STAC: variants seen among roughly 807,000 people sequenced by gnomAD.
The protein encoded by STAC is SH3 and cysteine-rich domain-containing protein.
A neutral mutation model predicts 48.8 loss-of-function variants in STAC; 43 were observed. That is an observed-to-expected ratio of 0.88 (90% CI 0.69 to 1.14). The LOEUF (loss-of-function observed/expected upper bound fraction) is 1.14, where lower values mean the gene tolerates loss of function less well. Among genes scored for constraint, STAC ranks in the 50% most tolerant of loss-of-function variants. STAC has a pLI of 0.00. For missense variants in STAC, 497 were observed against 504.0 expected (o/e 0.99, Z 0.13); for synonymous variants, 193 against 179.5 (o/e 1.07, Z -0.60).
At chr3:36,420,428 G>C (rs1006320169) in intron 1 of STAC, among the ~76,000 whole-genome samples, 2 of 152,112 alleles carry the variant, frequency 1.3e-5, no homozygotes, top group African/African-American at 4.8e-5. Flanking sequence ...GACTAGTACC[G>C]GTCTGTAGCC....
chr3:36,495,632 C>T (rs1698132887), intron 6 of STAC, among the ~76,000 whole-genome samples: 1 of 152,238 alleles, frequency 6.6e-6, no homozygotes, highest in African/African-American at 2.4e-5. Context: ...TGCTGTTGCT[C>T]ACCAATTCCT....
chr3:36,476,570 G>A (rs1359459657), intron 2 of STAC, among the ~76,000 whole-genome samples: 1 of 152,194 alleles, frequency 6.6e-6, no homozygotes, highest in Admixed American at 6.5e-5. Context: ...GCATGGTGGA[G>A]ACCTGCTTCA....
chr3:36,458,608 C>T (rs946781664), intron 2 of STAC, among the ~76,000 whole-genome samples: 3 of 152,160 alleles, frequency 2.0e-5, no homozygotes, highest in African/African-American at 7.2e-5. Flanking sequence ...TACCAAATCA[C>T]TTTGCTTCTC....
intron 1 of STAC, among the ~76,000 whole-genome samples, chr3:36,389,797 C>T (rs1302845321): frequency 6.6e-6 from 1 of 152,136 alleles, no homozygotes; most frequent in Non-Finnish European, 1.5e-5. Flanking sequence ...CCCAGAGATT[C>T]ACTGTGCTTT....
chr3:36,451,995 C>G (rs1349271144), intron 2 of STAC, among the ~76,000 whole-genome samples: 1 of 152,180 alleles, frequency 6.6e-6, no homozygotes, highest in Non-Finnish European at 1.5e-5. Flanking sequence ...TGGCTTTACT[C>G]AGATCCACTC....
At chr3:36,415,390 G>A (rs148710495) in intron 1 of STAC, among the ~76,000 whole-genome samples, 3,571 of 152,212 alleles carry the variant, frequency 0.023, 57 homozygotes, top group Non-Finnish European at 0.026. Flanking sequence ...CCCCAGCCTC[G>A]TTGCCACCTT....
intron 2 of STAC, among the ~76,000 whole-genome samples, chr3:36,477,564 A>G (rs1254191841): frequency 6.6e-6 from 1 of 152,100 alleles, no homozygotes; most frequent in Admixed American, 6.6e-5. Flanking sequence ...TTTTCTTCCA[A>G]CATTTATGTA....
chr3:36,396,534 G>A (rs958069508), intron 1 of STAC, among the ~76,000 whole-genome samples: 1 of 152,070 alleles, frequency 6.6e-6, no homozygotes, highest in Non-Finnish European at 1.5e-5. Flanking sequence ...GTACAGGGAT[G>A]CTTCATTGGA....
chr3:36,398,044 C>T (rs1699889545), intron 1 of STAC, among the ~76,000 whole-genome samples: 1 of 152,060 alleles, frequency 6.6e-6, no homozygotes, highest in African/African-American at 2.4e-5. Flanking sequence ...TCTTTCCTGG[C>T]TCTCAATTGG....
intron 1 of STAC, among the ~76,000 whole-genome samples, chr3:36,396,564 TC>T (rs990855486): frequency 6.6e-5 from 10 of 152,146 alleles, no homozygotes; most frequent in African/African-American, 2.4e-4. Context: ...AAAGGAGTCA[TC>T]CGGGAGAATC....
At chr3:36,508,270 C>T (rs1698452955) in intron 8 of STAC, among the ~76,000 whole-genome samples, 1 of 152,142 alleles carries the variant, frequency 6.6e-6, no homozygotes, top group African/African-American at 2.4e-5. Flanking sequence ...TTTGATTGCA[C>T]TGTGGTCTGA....
At position 36,434,149 on chromosome 3, in the gene STAC, T is replaced by C. The variant is rs190946872; in HGVS notation, c.112-9215T>C. On this transcript the variant is annotated intron_variant, in intron 1 of 10. Coordinates refer to ENST00000273183, the MANE Select transcript of STAC (RefSeq NM_003149.3). ...GAAAGTGCTTTGACAAACTACACCA[T>C]CAGCCAAACTTGGAATAGATGAGGT... Among the ~76,000 whole-genome samples the C allele has an allele frequency of 6.6e-5, 10 of 152,326 alleles. No individual in the cohort carries two copies. The South Asian group carries it at 1.0e-3, about 16-fold the overall frequency.
intron 8 of STAC, among the ~76,000 whole-genome samples, chr3:36,515,904 G>A (rs185753517): frequency 1.3e-5 from 2 of 150,016 alleles, no homozygotes; most frequent in African/African-American, 4.9e-5. Context: ...GCAACTATCC[G>A]TTTAGGAACA....
rs181231860 is a variant in STAC at position 36,405,767 on chromosome 3, T to A, written c.111+25013T>A. 6.6e-5 allele frequency among the ~76,000 whole-genome samples: 10 copies of A among 152,282 alleles called. No homozygotes were observed. The East Asian group carries it at 1.9e-3, about 29-fold the overall frequency. On this transcript the variant is annotated intron_variant, in intron 1 of 10. Transcript: ENST00000273183. ...CAAGAGTTTTGCTCTGTCATCCAGG[T>A]TGGAGTGCAGTAACATGATTATAGC...
At chr3:36,481,557 T>C (rs1167388538) in intron 2 of STAC, among the ~76,000 whole-genome samples, 1 of 152,194 alleles carries the variant, frequency 6.6e-6, no homozygotes, top group Non-Finnish European at 1.5e-5. Context: ...ACTTCATGTC[T>C]CATACTACCT....
intron 2 of STAC, among the ~76,000 whole-genome samples, chr3:36,445,534 T>C (rs12487305): frequency 0.16 from 23,824 of 152,018 alleles, 2,393 homozygotes; most frequent in East Asian, 0.4. Flanking sequence ...GGAGATGAAG[T>C]AGGGGCTGGT....
At chr3:36,504,778 G>T (rs1698360496) in intron 7 of STAC, among the ~76,000 whole-genome samples, 1 of 151,710 alleles carries the variant, frequency 6.6e-6, no homozygotes, top group African/African-American at 2.4e-5. Flanking sequence ...CTAAAATTTA[G>T]ACAAACTAGA....
intron 8 of STAC, among the ~76,000 whole-genome samples, chr3:36,516,189 G>A (rs1158979001): frequency 6.6e-6 from 1 of 151,568 alleles, no homozygotes; most frequent in Non-Finnish European, 1.5e-5. Context: ...TCATCATGTT[G>A]GCCAGGCTGG....
rs1044005511 is a variant in STAC, at chr3:36,493,281, G to A, written c.766+52G>A. The A allele has an allele frequency of 2.6e-6, 4 of 1,567,618 alleles. No homozygotes were observed. The African/African-American group carries it at 5.4e-5, about 21-fold the overall frequency. ...AATGTGATCACATGAGTCAGGGTCA[G>A]TGGGCAGGCCAAGTTGATTTCCAGT... On this transcript the variant is annotated intron_variant, in intron 6 of 10. Coordinates refer to ENST00000273183, the MANE Select transcript of STAC (RefSeq NM_003149.3).
Sources: allele counts gnomAD v4.1 joint callset (sites outside exome capture counted in the v4.1 genomes callset), GRCh38; gene constraint gnomAD v4.1.1; transcripts MANE v1.5; gene names NCBI Gene and HGNC (gene_info 2026-07-23, HGNC 2026-07-21).